The following FIGN variants were observed in gnomAD, a reference collection of about 807,000 sequenced individuals.
FIGN encodes the protein fidgetin, microtubule severing factor.
FIGN carries 11 observed loss-of-function variants against 51.3 expected under a neutral mutation model. The ratio of observed to expected loss-of-function variants is 0.21; its 90% CI spans 0.13 to 0.35. The LOEUF is 0.35. FIGN is among the 10% of genes least tolerant of loss of function. FIGN has a pLI of 1.00. For synonymous variants in FIGN, 407 were observed against 363.2 expected, an observed-to-expected ratio of 1.12 and a Z score of -1.37; for missense variants, 857 against 943.6, an observed-to-expected ratio of 0.91 and a Z score of 1.20.
chr2:163,616,495 T>C (rs1228876532), intron 2 of FIGN, among the ~76,000 whole-genome samples: 1 of 152,182 alleles, frequency 6.6e-6, no homozygotes, highest in Non-Finnish European at 1.5e-5. Flanking sequence ...CATAGGGTAA[T>C]TTTGGCTGCT....
At chr2:163,723,417 A>G (rs982907250) in intron 2 of FIGN, among the ~76,000 whole-genome samples, 4 of 152,098 alleles carry the variant, frequency 2.6e-5, no homozygotes, top group Non-Finnish European at 2.9e-5. Context: ...CTAGCAATCT[A>G]TAGTAGGAGA....
At chr2:163,726,801 T>G (rs1000280009) in intron 2 of FIGN, among the ~76,000 whole-genome samples, 1 of 152,098 alleles carries the variant, frequency 6.6e-6, no homozygotes, top group Non-Finnish European at 1.5e-5. Flanking sequence ...GCACTTAGTT[T>G]GCAAACAATG....
At chr2:163,658,122 G>A (rs977959358) in intron 2 of FIGN, among the ~76,000 whole-genome samples, 2 of 152,140 alleles carry the variant, frequency 1.3e-5, no homozygotes, top group African/African-American at 4.8e-5. Flanking sequence ...GTTGTTGTCT[G>A]CGGAATAGAT....
At chr2:163,645,646 T>C (rs554141660) in intron 2 of FIGN, among the ~76,000 whole-genome samples, 1 of 152,180 alleles carries the variant, frequency 6.6e-6, no homozygotes, top group Admixed American at 6.5e-5. Flanking sequence ...ATCCTGACAG[T>C]GGTTATGTTT....
At chr2:163,650,594 T>C (rs1449090202) in intron 2 of FIGN, among the ~76,000 whole-genome samples, 1 of 150,674 alleles carries the variant, frequency 6.6e-6, no homozygotes, top group African/African-American at 2.4e-5. Flanking sequence ...CCTGTGTCCA[T>C]GTGTTCTCAT....
At chr2:163,628,455 G>T (rs1309956498) in intron 2 of FIGN, among the ~76,000 whole-genome samples, 1 of 152,142 alleles carries the variant, frequency 6.6e-6, no homozygotes, top group African/African-American at 2.4e-5. Context: ...TGCATGGGGG[G>T]ACCAGATAGA....
intron 2 of FIGN, among the ~76,000 whole-genome samples, chr2:163,704,976 C>T (rs955733944): frequency 2.0e-5 from 3 of 152,070 alleles, no homozygotes; most frequent in African/African-American, 4.8e-5. Flanking sequence ...AAAATATCCT[C>T]ACAGATTTAA....
chr2:163,669,015 A>AATATATATATATATAT (rs138074416), intron 2 of FIGN, among the ~76,000 whole-genome samples: 3,266 of 138,014 alleles, frequency 0.024, 49 homozygotes, highest in African/African-American at 0.035. Flanking sequence ...GAAAAAAAGG[A>AATATATATATATATAT]ATATATATAT....
At chr2:163,643,051 G>A (rs892171870) in intron 2 of FIGN, among the ~76,000 whole-genome samples, 9 of 151,970 alleles carry the variant, frequency 5.9e-5, no homozygotes, top group East Asian at 1.9e-4. Flanking sequence ...AAATTCATAC[G>A]AAATTGCCAG....
At chr2:163,733,570 T>C (rs1373220830) in intron 2 of FIGN, among the ~76,000 whole-genome samples, 1 of 152,250 alleles carries the variant, frequency 6.6e-6, no homozygotes, top group Non-Finnish European at 1.5e-5. Flanking sequence ...GAAAAAAAGC[T>C]GTGCTCTCTC....
intron 2 of FIGN, among the ~76,000 whole-genome samples, chr2:163,724,547 G>C (rs549332014): frequency 8.6e-5 from 13 of 152,008 alleles, no homozygotes; most frequent in Non-Finnish European, 1.6e-4. Flanking sequence ...TGGGGCTTTA[G>C]TTTGGTCAGG....
At chr2:163,612,508 T>A in intron 2 of FIGN, 1 of 985,366 alleles carries the variant, frequency 1.0e-6, no homozygotes, top group Non-Finnish European at 1.2e-6. Context: ...GCTCCATCGC[T>A]TTCATCGCAC....
chr2:163,646,483 T>C (rs1683384248), intron 2 of FIGN, among the ~76,000 whole-genome samples: 1 of 152,190 alleles, frequency 6.6e-6, no homozygotes. Context: ...GTCACACTTC[T>C]TGTATGTCCA....
rs569530527 is a variant in FIGN at position 163,734,781 on chromosome 2, A to T, written c.25+122T>A. On this transcript the variant is annotated intron_variant, in intron 2 of 2. Coordinates refer to ENST00000333129, the MANE Select transcript of FIGN (RefSeq NM_018086.4). Reference sequence around the variant, plus strand: ...TGGTGACATTAAACATATATTTTTTAAAAAAAGGAATTCTATATCATGAGC... The same window carrying T: ...TGGTGACATTAAACATATATTTTTTTAAAAAAGGAATTCTATATCATGAGC... 710 of 831,670 alleles carry T rather than the reference A, an allele frequency of 8.5e-4. 1 individual carries two copies. The Middle Eastern group carries it at 0.011, about 13-fold the overall frequency. 51.5% of individuals were successfully genotyped at this position (831,670 alleles called of 1,614,324 possible).
chr2:163,675,761 G>A (rs1362997704), intron 2 of FIGN, among the ~76,000 whole-genome samples: 1 of 63,236 alleles, frequency 1.6e-5, no homozygotes, highest in Non-Finnish European at 2.9e-5. Context: ...CTTTTCAATT[G>A]TATGGAAACA....
rs553544737 is a variant in FIGN at position 163,674,202 on chromosome 2, T to C, written c.25+60701A>G. On this transcript the variant is annotated intron_variant, in intron 2 of 2. Coordinates refer to ENST00000333129, the MANE Select transcript of FIGN (RefSeq NM_018086.4). Reference sequence around the variant, plus strand: ...TTTACTAACTCCAATTTAGTATCTCTTGCAGGCAGGTGGGAGGGAGGAGCT... The same window carrying C: ...TTTACTAACTCCAATTTAGTATCTCCTGCAGGCAGGTGGGAGGGAGGAGCT... Among the ~76,000 whole-genome samples, 5 of 152,298 alleles carry C rather than the reference T, an allele frequency of 3.3e-5. No individual in the cohort carries two copies. In the East Asian group the frequency reaches 9.7e-4, roughly 29 times the overall value.
intron 2 of FIGN, among the ~76,000 whole-genome samples, chr2:163,721,308 G>A (rs1220182190): frequency 6.6e-6 from 1 of 152,044 alleles, no homozygotes; most frequent in Admixed American, 6.6e-5. Context: ...CCACTATAAG[G>A]TTTTACAATT....
chr2:163,727,134 T>TA (rs1463715566), intron 2 of FIGN, among the ~76,000 whole-genome samples: 1 of 151,992 alleles, frequency 6.6e-6, no homozygotes, highest in Non-Finnish European at 1.5e-5. Context: ...AGATGAAAAA[T>TA]AAAAAAGCTC....
intron 2 of FIGN, among the ~76,000 whole-genome samples, chr2:163,702,128 T>C (rs1235694723): frequency 6.6e-6 from 1 of 152,160 alleles, no homozygotes; most frequent in Non-Finnish European, 1.5e-5. Flanking sequence ...TTTTCACATA[T>C]GTAATCAGCA....
Sources: allele counts gnomAD v4.1 joint callset (sites outside exome capture counted in the v4.1 genomes callset), GRCh38; gene constraint gnomAD v4.1.1; transcripts MANE v1.5; gene names NCBI Gene and HGNC (gene_info 2026-07-23, HGNC 2026-07-21).